Variants in PLEKHH2 observed in about 807,000 individuals in gnomAD.
PLEKHH2 encodes pleckstrin homology, MyTH4 and FERM domain containing H2.
A neutral mutation model predicts 187.9 loss-of-function variants in PLEKHH2; 129 were observed. That is an observed-to-expected ratio of 0.69 (90% CI 0.59 to 0.79). The LOEUF is 0.79. Ranked by LOEUF, PLEKHH2 falls within the 30% of genes least tolerant of loss-of-function variation. The pLI is 0.00. For missense variants in PLEKHH2, 2,076 were observed against 1,751.2 expected (o/e 1.19, Z -3.31); for synonymous variants, 686 against 605.6 (o/e 1.13, Z -1.95).
chr2:43,650,134 T>C (rs1191572910), intron 2 of PLEKHH2, among the ~76,000 whole-genome samples: 2 of 149,770 alleles, frequency 1.3e-5, no homozygotes, highest in African/African-American at 4.9e-5. Flanking sequence ...TTCAGGTTTG[T>C]TTTTCTTTCC....
chr2:43,638,471 G>A (rs1307135270), intron 1 of PLEKHH2, among the ~76,000 whole-genome samples: 1 of 152,160 alleles, frequency 6.6e-6, no homozygotes, highest in Non-Finnish European at 1.5e-5. Context: ...AGAGAAAAGA[G>A]CATTCACTCC....
At position 43,738,540 on chromosome 2, in the gene PLEKHH2, C is replaced by T; in HGVS notation, c.3123+20C>T. On this transcript the variant is annotated intron_variant, in intron 20 of 29. Transcript: ENST00000282406. ...TTGCAGGTAGATATTAATATTGATA[C>T]ATATACATGCAATTTAAAGTGTTTT... 1.3e-6 allele frequency: 2 copies of T among 1,552,482 alleles called. No homozygotes were observed. The highest frequency in any genetic ancestry group is 8.8e-7 in the Non-Finnish European group (1 of 1,141,406).
At chr2:43,682,348 CT>C (rs761062986) in intron 3 of PLEKHH2, among the ~76,000 whole-genome samples, 2 of 152,088 alleles carry the variant, frequency 1.3e-5, no homozygotes, top group Non-Finnish European at 2.9e-5. Flanking sequence ...ACTCTGTCAC[CT>C]GGGCTGGAGT....
At position 43,741,013 on chromosome 2, in the gene PLEKHH2, G is replaced by A. The variant is rs748777601; in HGVS notation, c.3191G>A (p.Arg1064Lys). Residue 1064 changes from arginine to lysine, a missense_variant, in exon 21 of 30, where the codon AGG becomes AAG. Arg to Lys is a conservative substitution (Grantham distance 26). Transcript: ENST00000282406. ...CATCATCCTTTCCTGTGGCTCCTCAGGCTTCACCTAAAGAGGAATGCAGAT... is the reference window on the plus strand; with the variant it reads ...CATCATCCTTTCCTGTGGCTCCTCAAGCTTCACCTAAAGAGGAATGCAGAT... ...LPHHPFLWLLRLHLKRNADSR... is the reference protein window; with the variant it reads ...LPHHPFLWLLKLHLKRNADSR... The A allele has an allele frequency of 6.2e-7, 1 of 1,613,878 alleles. No homozygotes were observed. The highest frequency in any genetic ancestry group is 1.7e-5 in the Admixed American group (1 of 60,000).
chr2:43,729,906 C>A (rs1670956758), intron 18 of PLEKHH2, among the ~76,000 whole-genome samples, 161 bp downstream of exon 18: 1 of 152,142 alleles, frequency 6.6e-6, no homozygotes, highest in Non-Finnish European at 1.5e-5. Flanking sequence ...GTCTGTGGCT[C>A]TTTGGCTGCA....
intron 25 of PLEKHH2, 33 bp from the exon 26 acceptor site, chr2:43,757,080 CTTTTCA>C (rs1398549663): frequency 6.9e-7 from 1 of 1,458,618 alleles, no homozygotes; most frequent in Non-Finnish European, 9.1e-7. Flanking sequence ...TCTTAAAACT[CTTTTCA>C]ATATATTTTC....
intron 2 of PLEKHH2, among the ~76,000 whole-genome samples, chr2:43,655,173 A>G (rs1240948103): frequency 6.6e-6 from 1 of 151,874 alleles, no homozygotes; most frequent in African/African-American, 2.4e-5. Flanking sequence ...GCCTGGGCTA[A>G]AAAATAAATA....
chr2:43,678,994 T>C (rs1572539496), intron 3 of PLEKHH2, 69 bp downstream of exon 3: 1 of 1,084,152 alleles, frequency 9.2e-7, no homozygotes, highest in Non-Finnish European at 1.4e-6. Context: ...TTGCTCATAA[T>C]GGAAAGACAA....
At chr2:43,684,836 A>G (rs1668419043) in intron 3 of PLEKHH2, among the ~76,000 whole-genome samples, 1 of 149,760 alleles carries the variant, frequency 6.7e-6, no homozygotes, top group Admixed American at 6.6e-5. Flanking sequence ...AAAAAAAAAA[A>G]GAGAGAGAAT....
chr2:43,738,641 G>T, intron 20 of PLEKHH2, 121 bp downstream of exon 20: 2 of 933,748 alleles, frequency 2.1e-6, no homozygotes, highest in African/African-American at 1.7e-5. Flanking sequence ...GGAAAAATAG[G>T]TATTAATATT....
chr2:43,646,693 T>C (rs1666200239), intron 2 of PLEKHH2, among the ~76,000 whole-genome samples: 1 of 152,018 alleles, frequency 6.6e-6, no homozygotes, highest in Admixed American at 6.6e-5. Context: ...GTAAAATAGC[T>C]TTTTTATTAT....
At chr2:43,757,448 C>G (rs1390335435) in intron 26 of PLEKHH2, among the ~76,000 whole-genome samples, 184 bp downstream of exon 26, 7 of 139,846 alleles carry the variant, frequency 5.0e-5, no homozygotes, top group Admixed American at 3.8e-4. Flanking sequence ...GAGACGGAGT[C>G]TCGCTCTGTC....
In PLEKHH2 at chr2:43,726,329, T is replaced by C; in HGVS notation, c.2599T>C (p.Cys867Arg). ...TAAAGTGGAAGAGGTTGACAGATCTTGTGATTCAGATGAAGATTATGAAGC... is the reference window on the plus strand; with the variant it reads ...TAAAGTGGAAGAGGTTGACAGATCTCGTGATTCAGATGAAGATTATGAAGC... ...EAKVEEVDRS[C>R]DSDEDYEASG... The change falls in exon 17 of 30, where the codon TGT (cysteine) becomes CGT (arginine). Residue 867 changes from cysteine to arginine, a missense_variant. Coordinates refer to ENST00000282406, the MANE Select transcript of PLEKHH2 (RefSeq NM_172069.4). The C allele has an allele frequency of 6.2e-7, 1 of 1,612,194 alleles. No homozygotes were observed. Among genetic ancestry groups the C allele is most frequent in the Non-Finnish European group, 8.5e-7 (1 of 1,178,284 alleles).
chr2:43,744,713 C>T (rs914824177), intron 23 of PLEKHH2, among the ~76,000 whole-genome samples: 37 of 151,396 alleles, frequency 2.4e-4, no homozygotes, highest in Admixed American at 9.2e-4. Context: ...ACTAAAAATA[C>T]AAAAATTAGC....
At chr2:43,722,048 C>A (rs551931490) in intron 16 of PLEKHH2, among the ~76,000 whole-genome samples, 1 of 150,892 alleles carries the variant, frequency 6.6e-6, no homozygotes, top group East Asian at 2.0e-4. Context: ...TGTAAAAGAT[C>A]TAATGCCACC....
chr2:43,650,240 C>G (rs1390745757), intron 2 of PLEKHH2, among the ~76,000 whole-genome samples: 1 of 148,398 alleles, frequency 6.7e-6, no homozygotes, highest in South Asian at 2.1e-4. Flanking sequence ...TCAAGTGATC[C>G]TCCTGCCTCA....
At chr2:43,694,018 T>C (rs990794849) in intron 4 of PLEKHH2, among the ~76,000 whole-genome samples, 1 of 152,118 alleles carries the variant, frequency 6.6e-6, no homozygotes, top group South Asian at 2.1e-4. Flanking sequence ...AGAATTTCAC[T>C]ATGTTTATTT....
At chr2:43,652,806 G>A (rs1196523350) in intron 2 of PLEKHH2, among the ~76,000 whole-genome samples, 1 of 152,176 alleles carries the variant, frequency 6.6e-6, no homozygotes, top group African/African-American at 2.4e-5. Context: ...AACCAGCATT[G>A]CCTATGTGGG....
At chr2:43,719,767 T>G (rs1035949092) in intron 15 of PLEKHH2, among the ~76,000 whole-genome samples, 5 of 152,222 alleles carry the variant, frequency 3.3e-5, no homozygotes, top group Non-Finnish European at 7.3e-5. Context: ...TGTTAGAGTG[T>G]TAACCTAGAG....
Sources: allele counts gnomAD v4.1 joint callset (sites outside exome capture counted in the v4.1 genomes callset), GRCh38; gene constraint gnomAD v4.1.1; transcripts MANE v1.5; gene names NCBI Gene and HGNC (gene_info 2026-07-23, HGNC 2026-07-21).